Variants in RLN2 observed in about 807,000 individuals in gnomAD.
RLN2 encodes relaxin 2, also known as prorelaxin H2.
RLN2 carries 10 observed loss-of-function variants against 7.3 expected under a neutral mutation model. The observed-to-expected ratio is 1.36, with a 90% CI of 0.84 to 2.31. The LOEUF is 2.31. Among genes scored for constraint, RLN2 ranks in the 30% most tolerant of loss-of-function variants. RLN2 has a pLI of 0.00. For synonymous variants in RLN2, 103 were observed against 82.3 expected (o/e 1.25, Z -1.36); for missense variants, 298 against 217.6 (o/e 1.37, Z -2.32).
the RLN2 span, among the ~76,000 whole-genome samples, chr9:5,312,763 G>C: frequency 6.6e-6 from 1 of 150,414 alleles, no homozygotes; most frequent in Non-Finnish European, 1.5e-5. Flanking sequence ...CGTAAGTTTT[G>C]GTATGCTGTT....
At chr9:5,313,776 T>C in the RLN2 span, among the ~76,000 whole-genome samples, 1 of 151,868 alleles carries the variant, frequency 6.6e-6, no homozygotes, top group Non-Finnish European at 1.5e-5. Context: ...CTCCCAAAGA[T>C]AGCCAAAACA....
At chr9:5,335,416 T>G in the RLN2 span, 3 of 1,613,740 alleles carry the variant, frequency 1.9e-6, no homozygotes, top group Non-Finnish European at 2.5e-6. Flanking sequence ...TGCGAATAAG[T>G]TTCTTAAATT....
At chr9:5,319,708 T>C in the RLN2 span, among the ~76,000 whole-genome samples, 12 of 152,180 alleles carry the variant, frequency 7.9e-5, no homozygotes, top group East Asian at 1.2e-3. Context: ...AGTGAATTAC[T>C]GGTATTTCAA....
chr9:5,306,105 T>G (rs868368862), upstream of RLN2, among the ~76,000 whole-genome samples: 4,858 of 144,542 alleles, frequency 0.034, 213 homozygotes, highest in African/African-American at 0.092. Flanking sequence ...TGTTTTTGTT[T>G]TTTGTTTTTT....
the RLN2 span, chr9:5,334,943 G>C: frequency 4.4e-6 from 1 of 227,250 alleles, no homozygotes; most frequent in Non-Finnish European, 8.5e-6. Context: ...CTGTTGTTAG[G>C]TACTGTATTG....
At chr9:5,331,654 CA>C in the RLN2 span, among the ~76,000 whole-genome samples, 1 of 117,666 alleles carries the variant, frequency 8.5e-6, no homozygotes, top group Non-Finnish European at 1.7e-5. Context: ...ACATCACACA[CA>C]GGGGCATCTA....
At chr9:5,327,419 T>A in the RLN2 span, among the ~76,000 whole-genome samples, 1 of 151,614 alleles carries the variant, frequency 6.6e-6, no homozygotes, top group Non-Finnish European at 1.5e-5. Flanking sequence ...CTGGGTGGAG[T>A]CCACCGCAGC....
At chr9:5,321,773 T>C in the RLN2 span, among the ~76,000 whole-genome samples, 1 of 152,028 alleles carries the variant, frequency 6.6e-6, no homozygotes, top group African/African-American at 2.4e-5. Flanking sequence ...GCAAGAACAC[T>C]GCAAGCAGCT....
chr9:5,322,109 G>T, the RLN2 span, among the ~76,000 whole-genome samples: 6 of 152,136 alleles, frequency 3.9e-5, no homozygotes, highest in East Asian at 1.2e-3. Flanking sequence ...AGTAGAGCAG[G>T]TAGATTAGGA....
At chr9:5,323,223 G>C in the RLN2 span, among the ~76,000 whole-genome samples, 1 of 151,882 alleles carries the variant, frequency 6.6e-6, no homozygotes, top group African/African-American at 2.4e-5. Context: ...TCATCTGGCT[G>C]CTTCCTGGAG....
the RLN2 span, chr9:5,311,804 A>G: frequency 8.2e-5 from 45 of 549,712 alleles, no homozygotes; most frequent in East Asian, 1.3e-3. Flanking sequence ...AAAATGCAGA[A>G]TTTTTTTTTT....
the RLN2 span, among the ~76,000 whole-genome samples, chr9:5,330,940 C>G: frequency 6.6e-6 from 1 of 151,852 alleles, no homozygotes; most frequent in Non-Finnish European, 1.5e-5. Flanking sequence ...CACAGAAATA[C>G]AAACTACCAT....
chr9:5,300,450 A>C lies in RLN2; in HGVS notation c.212-6T>G. The C allele has an allele frequency of 6.3e-7, 1 of 1,581,878 alleles. No homozygotes were observed. Among genetic ancestry groups the C allele is most frequent in the East Asian group, 2.2e-5 (1 of 44,614 alleles). On this transcript the variant is annotated splice_polypyrimidine_tract_variant and splice_region_variant and intron_variant, in intron 1 of 1. Transcript: ENST00000381627. The stretch of plus-strand genomic sequence containing the variant: ...GATGAAGGATGGCACAATTTCTGTT[A>C]AATTTAAAAAAAAAGGTGTATGTGA...
chr9:5,328,902 A>T, the RLN2 span, among the ~76,000 whole-genome samples: 1 of 152,058 alleles, frequency 6.6e-6, no homozygotes, highest in African/African-American at 2.4e-5. Context: ...TGTCACCATC[A>T]GGGCTGCCTT....
At chr9:5,334,876 T>C in the RLN2 span, 3 of 163,392 alleles carry the variant, frequency 1.8e-5, no homozygotes, top group South Asian at 5.8e-4. Flanking sequence ...TATGGCTTTA[T>C]GTATATCCAA....
chr9:5,301,486 C>A (rs142539949), intron 1 of RLN2, among the ~76,000 whole-genome samples: 83 of 152,308 alleles, frequency 5.4e-4, no homozygotes, highest in Non-Finnish European at 2.9e-5. Context: ...CCTAATTATA[C>A]AACTTAATAG....
chr9:5,333,353 C>A, the RLN2 span, among the ~76,000 whole-genome samples: 4 of 152,092 alleles, frequency 2.6e-5, no homozygotes, highest in South Asian at 2.1e-4. Flanking sequence ...TACCACTGAA[C>A]CCACAGAAAT....
chr9:5,335,731 G>C, the RLN2 span: 1 of 625,906 alleles, frequency 1.6e-6, no homozygotes, highest in Non-Finnish European at 2.7e-6. Context: ...AAACACAAAA[G>C]CATCCTAATA....
At chr9:5,301,598 T>C (rs1162915566) in intron 1 of RLN2, among the ~76,000 whole-genome samples, 2 of 152,120 alleles carry the variant, frequency 1.3e-5, no homozygotes, top group Non-Finnish European at 2.9e-5. Flanking sequence ...AAACTCTCCA[T>C]TAACAAGGCA....
Sources: gnomAD v4.1 joint callset for allele counts (sites outside exome capture counted in the v4.1 genomes callset) on GRCh38, gnomAD v4.1.1 for gene constraint, MANE v1.5 for transcripts, NCBI Gene and HGNC (gene_info 2026-07-23, HGNC 2026-07-21) for gene names.